The following ANKFY1 variants were observed in gnomAD, a reference collection of about 807,000 sequenced individuals.
ANKFY1 encodes the protein ankyrin repeat and FYVE domain-containing protein 1.
Under a neutral mutation model 128.3 loss-of-function variants are expected in ANKFY1, and 47 were observed. The observed-to-expected ratio is 0.37, with a 90% CI of 0.29 to 0.47. The LOEUF is 0.47. Among genes scored for constraint, ANKFY1 ranks in the 20% least tolerant of loss-of-function variants. ANKFY1 has a pLI of 1.00. For synonymous variants in ANKFY1, 553 were observed against 601.6 expected (o/e 0.92, Z 1.18); for missense variants, 1,222 against 1,510.6 (o/e 0.81, Z 3.17).
rs1409794727 is a variant in ANKFY1 at position 4,189,379 on chromosome 17, T to C, written c.1470+3A>G. On this transcript the variant is annotated splice_donor_region_variant and intron_variant, in intron 11 of 24. Coordinates refer to ENST00000341657, the MANE Select transcript of ANKFY1 (RefSeq NM_001330063.2). ...TTTTCTCCGGCTGCCCTGTCACACT[T>C]ACCCACTTGTTTCTGTGGTTGACAT... The C allele has an allele frequency of 6.3e-7, 1 of 1,576,502 alleles. No individual in the cohort carries two copies. The highest frequency in any genetic ancestry group is 1.2e-5 in the South Asian group (1 of 86,672).
At chr17:4,206,708 C>T (rs2060031267) in intron 6 of ANKFY1, among the ~76,000 whole-genome samples, 2 of 152,126 alleles carry the variant, frequency 1.3e-5, no homozygotes, top group African/African-American at 4.8e-5. Context: ...ACCACATAGC[C>T]AACATAAACA....
At chr17:4,189,705 C>A (rs982112659) in intron 10 of ANKFY1, among the ~76,000 whole-genome samples, 5 of 137,406 alleles carry the variant, frequency 3.6e-5, no homozygotes, top group African/African-American at 1.4e-4. Context: ...GACAGTAGGC[C>A]CACGCCAGAC....
chr17:4,179,338 A>G (rs1195469622), intron 17 of ANKFY1: 3 of 540,220 alleles, frequency 5.6e-6, no homozygotes, highest in Middle Eastern at 4.9e-4. Context: ...TTATCTGGCT[A>G]TAGGGCCTTA....
At chr17:4,176,180 T>C (rs945469880) in intron 19 of ANKFY1, among the ~76,000 whole-genome samples, 1 of 152,202 alleles carries the variant, frequency 6.6e-6, no homozygotes, top group Non-Finnish European at 1.5e-5. Context: ...CCCACACCTG[T>C]GTGCCTCACT....
At chr17:4,212,098 G>T (rs1567948844) in intron 4 of ANKFY1, among the ~76,000 whole-genome samples, 1 of 152,120 alleles carries the variant, frequency 6.6e-6, no homozygotes, top group Non-Finnish European at 1.5e-5. Flanking sequence ...AGGCCCATGG[G>T]GAAAAGGTGG....
chr17:4,200,147 A>C (rs1445949807), intron 7 of ANKFY1, among the ~76,000 whole-genome samples: 2 of 150,778 alleles, frequency 1.3e-5, no homozygotes. Context: ...CTGCAGCCTC[A>C]ACTTCCAGGG....
chr17:4,176,162 G>A (rs1283862997), intron 19 of ANKFY1, among the ~76,000 whole-genome samples: 2 of 152,180 alleles, frequency 1.3e-5, no homozygotes, highest in Non-Finnish European at 2.9e-5. Context: ...CGTCACTGGT[G>A]AGCCCGCCCC....
In ANKFY1 at chr17:4,167,723, A is replaced by G; in HGVS notation, c.*56T>C. 2 of 1,543,164 alleles carry G rather than the reference A, an allele frequency of 1.3e-6. No individual in the cohort carries two copies. Among genetic ancestry groups the G allele is most frequent in the South Asian group, 1.2e-5 (1 of 81,252 alleles). ...TCTGGGTGGGGTCAGGCTGGTGAGC[A>G]GAGCAGCTGCTGGGGAGGTGACCAA... On this transcript the variant is annotated 3_prime_UTR_variant, in exon 25 of 25. Transcript: ENST00000341657. The surrounding 1 kb of genome is among the most constrained non-coding windows in gnomAD (Gnocchi z 4.1).
chr17:4,198,059 G>A (rs1028328921), intron 7 of ANKFY1, among the ~76,000 whole-genome samples: 4 of 151,954 alleles, frequency 2.6e-5, no homozygotes, highest in Non-Finnish European at 4.4e-5. Context: ...AACCCAGGGG[G>A]TGGAGGTTGC....
chr17:4,238,589 T>C (rs748193412), intron 2 of ANKFY1, among the ~76,000 whole-genome samples: 8 of 151,994 alleles, frequency 5.3e-5, no homozygotes, highest in Admixed American at 1.3e-4. Context: ...TTCTCCTGCC[T>C]CGGCCTGCTG....
intron 11 of ANKFY1, chr17:4,187,047 G>T (rs1275251394): frequency 1.6e-6 from 2 of 1,222,422 alleles, no homozygotes. Flanking sequence ...GTGGTTTCTG[G>T]TTCCACGGAT....
Position 4,177,119 on chromosome 17 carries a change from C to A in ANKFY1, c.2775+7G>T. ...ATTATTACATGCAATACTTCTGTGTCACTTACCAAATTGCGGACAATAATT... is the reference window on the plus strand; with the variant it reads ...ATTATTACATGCAATACTTCTGTGTAACTTACCAAATTGCGGACAATAATT... On this transcript the variant is annotated splice_region_variant and intron_variant, in intron 19 of 24. Transcript: ENST00000341657. The A allele has an allele frequency of 6.3e-7, 1 of 1,577,958 alleles. No individual in the cohort carries two copies. Among genetic ancestry groups the A allele is most frequent in the South Asian group, 1.2e-5 (1 of 84,488 alleles).
intron 3 of ANKFY1, among the ~76,000 whole-genome samples, chr17:4,233,941 C>G (rs1373068634): frequency 6.6e-6 from 1 of 152,204 alleles, no homozygotes; most frequent in East Asian, 1.9e-4. Flanking sequence ...AGCAGCATAA[C>G]TATGTTTGGT....
intron 1 of ANKFY1, chr17:4,263,676 C>T: frequency 2.0e-6 from 3 of 1,531,720 alleles, no homozygotes; most frequent in South Asian, 2.4e-5. Context: ...GCAGCACCGG[C>T]GCGGGACCTG....
In ANKFY1 at chr17:4,167,089, C is replaced by T. The variant is rs959452661; in HGVS notation, c.*690G>A. 1 of 152,712 alleles carries T rather than the reference C, an allele frequency of 6.5e-6. No homozygotes were observed. Among genetic ancestry groups the T allele is most frequent in the South Asian group, 2.1e-4 (1 of 4,828 alleles). 9.5% of individuals were successfully genotyped at this position (152,712 alleles called of 1,614,324 possible). On this transcript the variant is annotated 3_prime_UTR_variant, in exon 25 of 25. Transcript: ENST00000341657. This position sits in a 1 kb window ranked among gnomAD's most constrained non-coding sequence, Gnocchi z 4.1. ...AGACGAGAGAATGAGACGGCTGCTA[C>T]GAGGTGTCAAGCGGCCCAGCTGCAC...
At chr17:4,247,510 C>T (rs892235637) in intron 1 of ANKFY1, among the ~76,000 whole-genome samples, 1 of 152,186 alleles carries the variant, frequency 6.6e-6, no homozygotes, top group Non-Finnish European at 1.5e-5. Context: ...CAAAGGATCA[C>T]TAATGCACTC....
At chr17:4,260,691 T>C (rs1471695207) in intron 1 of ANKFY1, among the ~76,000 whole-genome samples, 1 of 145,764 alleles carries the variant, frequency 6.9e-6, no homozygotes, top group African/African-American at 2.6e-5. Flanking sequence ...AGATGTAGAG[T>C]TGGGGAATAA....
chr17:4,198,931 C>T (rs988502569), intron 7 of ANKFY1, among the ~76,000 whole-genome samples: 2 of 152,016 alleles, frequency 1.3e-5, no homozygotes, highest in Non-Finnish European at 2.9e-5. Context: ...TTTGGAAGGC[C>T]GAGGTGGGAG....
At chr17:4,204,961 C>T (rs1163371634) in intron 7 of ANKFY1, among the ~76,000 whole-genome samples, 1 of 152,182 alleles carries the variant, frequency 6.6e-6, no homozygotes, top group African/African-American at 2.4e-5. Flanking sequence ...CTCAGCACTC[C>T]AGCACATGGC....
Sources: gnomAD v4.1 joint callset for allele counts (sites outside exome capture counted in the v4.1 genomes callset) on GRCh38, gnomAD v4.1.1 for gene constraint, Gnocchi (gnomAD v3.1) non-coding constraint, MANE v1.5 for transcripts, NCBI Gene and HGNC (gene_info 2026-07-23, HGNC 2026-07-21) for gene names.